Variants in ZNF689 observed in about 807,000 individuals in gnomAD.
The protein encoded by ZNF689 is zinc finger protein 689, also known as short ORF-encoded histone-binding protein.
ZNF689 carries 14 observed loss-of-function variants against 37.2 expected under a neutral mutation model. The observed-to-expected ratio is 0.38, with a 90% CI of 0.25 to 0.59. ZNF689 has a LOEUF of 0.59. Among genes scored for constraint, ZNF689 ranks in the 20% least tolerant of loss-of-function variants. The pLI is 0.68. For synonymous variants in ZNF689, 277 were observed against 283.3 expected, an observed-to-expected ratio of 0.98 and a Z score of 0.22; for missense variants, 573 against 700.2, an observed-to-expected ratio of 0.82 and a Z score of 2.05.
Position 30,605,140 on chromosome 16 carries a change from C to T in ZNF689, c.627G>A (p.Gln209=), listed in dbSNP as rs2052023346. 6.2e-7 allele frequency: 1 copy of T among 1,613,694 alleles called. No individual in the cohort carries two copies. The highest frequency in any genetic ancestry group is 8.5e-7 in the Non-Finnish European group (1 of 1,179,946). Residue 209 remains glutamine, a synonymous_variant, in exon 3 of 3, where the codon CAG becomes CAA. Coordinates refer to ENST00000287461, the MANE Select transcript of ZNF689 (RefSeq NM_138447.3). The surrounding 1 kb of genome is among the most constrained non-coding windows in gnomAD (Gnocchi z 5.1). ...HSGECPYVCD[Q]CGKRFSQRKN... ...TGCGCTGGGAGAAACGTTTGCCACACTGGTCACAAACATAGGGGCACTCGC... is the reference window on the plus strand; with the variant it reads ...TGCGCTGGGAGAAACGTTTGCCACATTGGTCACAAACATAGGGGCACTCGC...
In ZNF689 at chr16:30,604,718, C is replaced by T. The variant is rs772409178; in HGVS notation, c.1049G>A (p.Cys350Tyr). ...SGERPYACEH[C>Y]EARFSQRSTL... ...GCTGCGCTGGGAGAAGCGGGCCTCA[C>T]AGTGCTCGCAGGCATAGGGACGCTC... The change falls in exon 3 of 3, where the codon TGT becomes TAT. Residue 350 changes from cysteine to tyrosine, a missense_variant. By Grantham distance (194) the Cys-to-Tyr change is radical. Transcript: ENST00000287461. This position sits in a 1 kb window ranked among gnomAD's most constrained non-coding sequence, Gnocchi z 5.2. 1 of 1,606,526 alleles carries T rather than the reference C, an allele frequency of 6.2e-7. No individual in the cohort carries two copies. Among genetic ancestry groups the T allele is most frequent in the Admixed American group, 1.7e-5 (1 of 59,810 alleles).
In ZNF689 at chr16:30,603,716, A is replaced by G. The variant is rs1431056804; in HGVS notation, c.*548T>C. 1 of 215,144 alleles carries G rather than the reference A, an allele frequency of 4.6e-6. No homozygotes were observed. Among genetic ancestry groups the G allele is most frequent in the Non-Finnish European group, 9.5e-6 (1 of 104,792 alleles). 13.3% of individuals were successfully genotyped at this position (215,144 alleles called of 1,614,324 possible). ...ACATGTCGTAGGCAAGGTTTAGAGG[A>G]GAATGTGGTACTTAACCTTCTATAG... is the stretch of plus-strand genomic sequence containing the variant. On this transcript the variant is annotated 3_prime_UTR_variant, in exon 3 of 3. Coordinates refer to ENST00000287461, the MANE Select transcript of ZNF689 (RefSeq NM_138447.3).
rs947055510 is a variant in ZNF689, at chr16:30,604,735, G to C, written c.1032C>G (p.Pro344=). ...SHRRVHSGER[P]YACEHCEARF... The stretch of plus-strand genomic sequence containing the variant: ...GGGCCTCACAGTGCTCGCAGGCATA[G>C]GGACGCTCCCCAGAGTGCACACGCC... Residue 344 remains proline, a synonymous_variant, in exon 3 of 3, where the codon CCC becomes CCG. Transcript: ENST00000287461. This position sits in a 1 kb window ranked among gnomAD's most constrained non-coding sequence, Gnocchi z 5.2. 2 of 1,606,832 alleles carry C rather than the reference G, an allele frequency of 1.2e-6. No homozygotes were observed. Among genetic ancestry groups the C allele is most frequent in the Middle Eastern group, 1.7e-4 (1 of 6,040 alleles).
intron 2 of ZNF689, among the ~76,000 whole-genome samples, chr16:30,609,249 A>G (rs1471503211): frequency 2.1e-5 from 3 of 143,126 alleles, no homozygotes; most frequent in Non-Finnish European, 3.0e-5. Context: ...GACCGAACTG[A>G]GCAAGACAAT....
rs1317549661 is a variant in ZNF689 at position 30,603,806 on chromosome 16, A to G, written c.*458T>C. The stretch of plus-strand genomic sequence containing the variant: ...TCCCTGTCAAGAGAGATTTTCAAGC[A>G]ATGGGTAGAAGACCACTTGGCAGGA... On this transcript the variant is annotated 3_prime_UTR_variant, in exon 3 of 3. Transcript: ENST00000287461. 4 of 312,216 alleles carry G rather than the reference A, an allele frequency of 1.3e-5. No individual in the cohort carries two copies. The highest frequency in any genetic ancestry group is 2.2e-5 in the African/African-American group (1 of 46,112). 19.3% of individuals were successfully genotyped at this position (312,216 alleles called of 1,614,324 possible).
chr16:30,606,651 C>T (rs1044646331), intron 2 of ZNF689, among the ~76,000 whole-genome samples: 1 of 152,002 alleles, frequency 6.6e-6, no homozygotes, highest in Admixed American at 6.6e-5. Context: ...CAGGCATGCA[C>T]CACTATGCCC....
chr16:30,610,100 G>A lies in ZNF689; in HGVS notation c.-59C>T. 1 of 1,518,902 alleles carries A rather than the reference G, an allele frequency of 6.6e-7. No individual in the cohort carries two copies. Among genetic ancestry groups the A allele is most frequent in the South Asian group, 1.2e-5 (1 of 80,904 alleles). 94.1% of individuals were successfully genotyped at this position (1,518,902 alleles called of 1,614,324 possible). A position where few individuals can be genotyped will look rare whatever the true frequency, so the allele number is the denominator to read the frequency against. ...GTCCAGGCCTCGGCCCTCGGGCGCTGGCGGCCCCTGGGATCGAGGAGCCCC... is the reference window on the plus strand; with the variant it reads ...GTCCAGGCCTCGGCCCTCGGGCGCTAGCGGCCCCTGGGATCGAGGAGCCCC... On this transcript the variant is annotated 5_prime_UTR_variant, in exon 1 of 3. Coordinates refer to ENST00000287461, the MANE Select transcript of ZNF689 (RefSeq NM_138447.3).
rs1048221965 is a variant in ZNF689 at position 30,604,007 on chromosome 16, T to C, written c.*257A>G. The stretch of plus-strand genomic sequence containing the variant: ...CCCTAAAATAGATGGGGAGAACTTT[T>C]AGCCCTGATATCCACACAAACTATT... On this transcript the variant is annotated 3_prime_UTR_variant, in exon 3 of 3. Coordinates refer to ENST00000287461, the MANE Select transcript of ZNF689 (RefSeq NM_138447.3). The surrounding 1 kb of genome is among the most constrained non-coding windows in gnomAD (Gnocchi z 5.2). The C allele has an allele frequency of 3.1e-6, 2 of 649,374 alleles. No homozygotes were observed. Among genetic ancestry groups the C allele is most frequent in the African/African-American group, 3.6e-5 (2 of 55,968 alleles). 40.2% of individuals were successfully genotyped at this position (649,374 alleles called of 1,614,324 possible). A position where few individuals can be genotyped will look rare whatever the true frequency, so the allele number is the denominator to read the frequency against.
rs184979285 is a variant in ZNF689, at chr16:30,606,582, C to A, written c.320-1135G>T. Among the ~76,000 whole-genome samples, 286 of 151,962 alleles carry A rather than the reference C, an allele frequency of 1.9e-3. 1 individual carries two copies. Among genetic ancestry groups the A allele is most frequent in the African/African-American group, 6.5e-3 (268 of 41,456 alleles). ...TGGTGTGATCTCAGTTCACTGAAAT[C>A]TCCGCCTCCCGGGTTCAAGTGATTC... On this transcript the variant is annotated intron_variant, in intron 2 of 2. Transcript: ENST00000287461.
rs931155442 is a variant in ZNF689 at position 30,603,678 on chromosome 16, G to A, written c.*586C>T. On this transcript the variant is annotated 3_prime_UTR_variant, in exon 3 of 3. Transcript: ENST00000287461. ...TGATTATCTGAAGGGCTGCTATGTAGATGAAGTATTAAACATGTCGTAGGC... is the reference window on the plus strand; with the variant it reads ...TGATTATCTGAAGGGCTGCTATGTAAATGAAGTATTAAACATGTCGTAGGC... 9 of 168,972 alleles carry A rather than the reference G, an allele frequency of 5.3e-5. No homozygotes were observed. Among genetic ancestry groups the A allele is most frequent in the African/African-American group, 2.2e-4 (9 of 41,750 alleles). The allele number at this position is 168,972 out of a possible 1,614,324, so 10.5% of individuals were successfully genotyped here.
Position 30,605,533 on chromosome 16 carries a change from C to T in ZNF689, c.320-86G>A, listed in dbSNP as rs2052028176. ...TTATAGGTTACAAGACCAATAGACT[C>T]ACCCCCTGGTCTCAATTCCTAGTGC... On this transcript the variant is annotated intron_variant, in intron 2 of 2. Transcript: ENST00000287461. This position sits in a 1 kb window ranked among gnomAD's most constrained non-coding sequence, Gnocchi z 5.1. 5.8e-6 allele frequency: 8 copies of T among 1,378,650 alleles called. 1 individual carries two copies. In the South Asian group the frequency reaches 9.6e-5, roughly 17 times the overall value. 85.4% of individuals were successfully genotyped at this position (1,378,650 alleles called of 1,614,324 possible). A position where few individuals can be genotyped will look rare whatever the true frequency, so the allele number is the denominator to read the frequency against.
chr16:30,604,965 G>T lies in ZNF689; in HGVS notation c.802C>A (p.Arg268Ser), dbSNP rs372396865. Residue 268 changes from arginine to serine, a missense_variant, in exon 3 of 3, where the codon CGT becomes AGT. Arg to Ser is a moderately radical substitution (Grantham distance 110). Around this residue, in one of 3 missense-constraint regions of ZNF689, gnomAD observed 317 missense variants for 367.1 expected, o/e 0.86. Coordinates refer to ENST00000287461, the MANE Select transcript of ZNF689 (RefSeq NM_138447.3). This position sits in a 1 kb window ranked among gnomAD's most constrained non-coding sequence, Gnocchi z 5.2. Reference protein sequence around the residue: ...EKPHQCPSCGRRFAYPSLLAI... With the variant: ...EKPHQCPSCGSRFAYPSLLAI... Reference sequence around the variant, plus strand: ...AGCAGGGAGGGGTAGGCGAAGCGACGTCCACAGCTAGGGCACTGGTGGGGT... The same window carrying T: ...AGCAGGGAGGGGTAGGCGAAGCGACTTCCACAGCTAGGGCACTGGTGGGGT... The T allele has an allele frequency of 1.3e-6, 2 of 1,583,380 alleles. No homozygotes were observed. The highest frequency in any genetic ancestry group is 1.7e-6 in the Non-Finnish European group (2 of 1,163,016).
At chr16:30,606,075 A>ATCGCT (rs2151244832) in intron 2 of ZNF689, among the ~76,000 whole-genome samples, 1 of 152,212 alleles carries the variant, frequency 6.6e-6, no homozygotes, top group African/African-American at 2.4e-5. Context: ...AAGGCAAGAG[A>ATCGCT]TCGCTTGAAC....
chr16:30,603,136 G>A lies in ZNF689; in HGVS notation c.*1128C>T, dbSNP rs913925838. 6.6e-6 allele frequency: 1 copy of A among 152,184 alleles called. No individual in the cohort carries two copies. The highest frequency in any genetic ancestry group is 1.5e-5 in the Non-Finnish European group (1 of 68,050). The allele number at this position is 152,184 out of a possible 1,614,324, so 9.4% of individuals were successfully genotyped here. A position where few individuals can be genotyped will look rare whatever the true frequency, so the allele number is the denominator to read the frequency against. ...ATTCATCTGTGCCTGATGAGAATCA[G>A]GGTCAAGTACGGCCCAATTCTCCAG... On this transcript the variant is annotated 3_prime_UTR_variant, in exon 3 of 3. Transcript: ENST00000287461.
chr16:30,610,116 G>C lies in ZNF689; in HGVS notation c.-75C>G. The C allele has an allele frequency of 1.3e-6, 2 of 1,488,430 alleles. No individual in the cohort carries two copies. The highest frequency in any genetic ancestry group is 1.8e-6 in the Non-Finnish European group (2 of 1,113,844). 92.2% of individuals were successfully genotyped at this position (1,488,430 alleles called of 1,614,324 possible). On this transcript the variant is annotated 5_prime_UTR_variant, in exon 1 of 3. Transcript: ENST00000287461. ...TCGGGCGCTGGCGGCCCCTGGGATC[G>C]AGGAGCCCCTGCCGGACCAGGGCTG...
intron 2 of ZNF689, among the ~76,000 whole-genome samples, chr16:30,609,223 G>A (rs2052065207): frequency 7.1e-6 from 1 of 141,550 alleles, no homozygotes; most frequent in Non-Finnish European, 1.5e-5. Flanking sequence ...AGGATCGCTT[G>A]AGGCCAGAAG....
In ZNF689 at chr16:30,610,120, A is replaced by G. The variant is rs1269286826; in HGVS notation, c.-79T>C. ...GCGCTGGCGGCCCCTGGGATCGAGG[A>G]GCCCCTGCCGGACCAGGGCTGAGCG... On this transcript the variant is annotated 5_prime_UTR_variant, in exon 1 of 3. Transcript: ENST00000287461. 4 of 1,476,446 alleles carry G rather than the reference A, an allele frequency of 2.7e-6. No individual in the cohort carries two copies. In the African/African-American group the frequency reaches 4.2e-5, roughly 16 times the overall value. 91.5% of individuals were successfully genotyped at this position (1,476,446 alleles called of 1,614,324 possible).
rs763018135 is a variant in ZNF689, at chr16:30,609,826, G to A, written c.205+11C>T. The A allele has an allele frequency of 6.3e-7, 1 of 1,594,728 alleles. No homozygotes were observed. Among genetic ancestry groups the A allele is most frequent in the Non-Finnish European group, 8.5e-7 (1 of 1,172,184 alleles). ...TTCGCGCCCCGCGGCAGCGGATGGG[G>A]CCGGCCTCACCGAGCGCGCCCAGGT... On this transcript the variant is annotated intron_variant, in intron 1 of 2. Coordinates refer to ENST00000287461, the MANE Select transcript of ZNF689 (RefSeq NM_138447.3).
chr16:30,604,494 CCGAG>C lies in ZNF689; in HGVS notation c.1269_1272del (p.His423GlnfsTer171). 1 of 1,602,024 alleles carries C rather than the reference CCGAG, an allele frequency of 6.2e-7. No homozygotes were observed. Among genetic ancestry groups the C allele is most frequent in the Non-Finnish European group, 8.5e-7 (1 of 1,174,574 alleles). On this transcript the variant is annotated frameshift_variant, in exon 3 of 3. Transcript: ENST00000287461. LOFTEE classifies it high-confidence loss of function. The surrounding 1 kb of genome is among the most constrained non-coding windows in gnomAD (Gnocchi z 5.2). ...AGGTCGCAGGCATAGGGCCGCTCGC[CCGAG>C]TGCACGCGCCGGTGGCTGGCCAGCA...
Sources: allele counts gnomAD v4.1 joint callset (sites outside exome capture counted in the v4.1 genomes callset), GRCh38; gene constraint gnomAD v4.1.1; regional missense constraint gnomAD v4.1.1; non-coding constraint Gnocchi (gnomAD v3.1); transcripts MANE v1.5; gene names NCBI Gene and HGNC (gene_info 2026-07-23, HGNC 2026-07-21).